The following DMD variants were observed in gnomAD, a reference collection of about 807,000 sequenced individuals.
The protein encoded by DMD is dystrophin.
A neutral mutation model predicts 330.1 loss-of-function variants in DMD; 63 were observed. The ratio of observed to expected loss-of-function variants is 0.19; its 90% confidence interval spans 0.16 to 0.24. DMD has a LOEUF of 0.24. Among genes scored for constraint, DMD ranks in the 10% least tolerant of loss-of-function variants. DMD has a pLI of 1.00. For synonymous variants in DMD, 1,223 were observed against 959.8 expected, an observed-to-expected ratio of 1.27 and a Z score of -5.07; for missense variants, 3,344 against 2,684.1, an observed-to-expected ratio of 1.25 and a Z score of -5.43.
At chrX:32,521,677 T>G (rs1014091125) in intron 17 of DMD, among the ~76,000 whole-genome samples, 1 of 112,452 alleles carries the variant, frequency 8.9e-6, no homozygotes, top group Non-Finnish European at 1.9e-5. Context: ...AAACATTATA[T>G]GCCAAGGTTT....
intron 41 of DMD, among the ~76,000 whole-genome samples, chrX:32,333,150 C>T (rs943561918): frequency 7.2e-5 from 8 of 111,609 alleles, no homozygotes; most frequent in Non-Finnish European, 1.1e-4. Context: ...CTTTCATACA[C>T]GGTAAATGTT....
At chrX:31,396,488 G>A (rs1262791764) in intron 60 of DMD, among the ~76,000 whole-genome samples, 1 of 105,523 alleles carries the variant, frequency 9.5e-6, no homozygotes, top group Non-Finnish European at 1.9e-5. Flanking sequence ...CTTGTACTGA[G>A]TAAAATAGAG....
intron 55 of DMD, among the ~76,000 whole-genome samples, chrX:31,596,492 A>G (rs987155424): frequency 1.6e-4 from 18 of 111,807 alleles, no homozygotes; most frequent in African/African-American, 5.9e-4. Context: ...ACGAGAATTG[A>G]GAAGACCTGG....
At chrX:33,207,936 C>T (rs1045375339) in intron 1 of DMD, among the ~76,000 whole-genome samples, 7 of 111,425 alleles carry the variant, frequency 6.3e-5, no homozygotes, top group East Asian at 2.8e-4. Context: ...TATTCCAATA[C>T]GAACCAACTG....
chrX:32,206,142 A>G (rs55772513), intron 44 of DMD: 2 of 515,748 alleles, frequency 3.9e-6, no homozygotes, highest in Non-Finnish European at 7.1e-6. Flanking sequence ...TGTACAGCCC[A>G]TGGTTTCCCT....
intron 2 of DMD, among the ~76,000 whole-genome samples, chrX:32,959,895 A>G (rs149038630): frequency 0.015 from 1,701 of 111,744 alleles, 39 homozygotes; most frequent in African/African-American, 0.052. Context: ...TGACTGTGAA[A>G]TTAATGTTTA....
chrX:32,880,543 T>TA (rs1052393022), intron 2 of DMD, among the ~76,000 whole-genome samples: 5 of 112,105 alleles, frequency 4.5e-5, no homozygotes, highest in Non-Finnish European at 9.4e-5. Context: ...TATATAGTCT[T>TA]GTAATTGCTT....
intron 41 of DMD, among the ~76,000 whole-genome samples, chrX:32,320,363 G>A (rs933945852): frequency 1.8e-5 from 2 of 111,425 alleles, no homozygotes; most frequent in Admixed American, 9.6e-5. Context: ...ACACTATCCC[G>A]TATGGTAGTC....
At chrX:32,596,351 C>G (rs1198397397) in intron 12 of DMD, among the ~76,000 whole-genome samples, 2 of 109,154 alleles carry the variant, frequency 1.8e-5, no homozygotes, top group African/African-American at 6.7e-5. Flanking sequence ...ACATATTTAT[C>G]CTACTATTCA....
At chrX:32,623,422 C>T (rs764576743) in intron 11 of DMD, among the ~76,000 whole-genome samples, 2 of 111,437 alleles carry the variant, frequency 1.8e-5, no homozygotes, top group African/African-American at 3.3e-5. Flanking sequence ...GGGAGGTTAA[C>T]CTCTGGGTTA....
intron 44 of DMD, among the ~76,000 whole-genome samples, chrX:32,188,358 T>G (rs1431691207): frequency 1.9e-5 from 2 of 107,029 alleles, no homozygotes; most frequent in African/African-American, 6.8e-5. Flanking sequence ...CTTCCTGACT[T>G]ACCAAAAATC....
chrX:32,626,260 C>A (rs1363935482), intron 11 of DMD, among the ~76,000 whole-genome samples: 1 of 111,079 alleles, frequency 9.0e-6, no homozygotes, highest in Non-Finnish European at 1.9e-5. Context: ...CACCTGAGGT[C>A]AGGAGTTCAA....
At chrX:32,116,090 A>G (rs2096609508) in intron 44 of DMD, among the ~76,000 whole-genome samples, 1 of 111,776 alleles carries the variant, frequency 8.9e-6, no homozygotes, top group Non-Finnish European at 1.9e-5. Context: ...GCCCTTGCCT[A>G]TACTTGCACC....
intron 43 of DMD, among the ~76,000 whole-genome samples, chrX:32,245,043 A>C (rs1449040624): frequency 1.5e-5 from 1 of 67,993 alleles, no homozygotes; most frequent in Non-Finnish European, 2.6e-5. Flanking sequence ...GCCCATGCCT[A>C]TGTCCTGAAT....
At chrX:31,891,937 C>A (rs1477433724) in intron 47 of DMD, among the ~76,000 whole-genome samples, 1 of 111,840 alleles carries the variant, frequency 8.9e-6, no homozygotes, top group East Asian at 2.8e-4. Context: ...CATTAATTTA[C>A]CCAAATTGGA....
At chrX:31,422,049 T>TTC (rs1374109188) in intron 60 of DMD, among the ~76,000 whole-genome samples, 30 of 93,482 alleles carry the variant, frequency 3.2e-4, no homozygotes, top group African/African-American at 1.1e-3. Flanking sequence ...ATATATTTTT[T>TTC]TTTTTCTTTT....
At chrX:32,634,533 G>A (rs755768372) in intron 11 of DMD, among the ~76,000 whole-genome samples, 1 of 111,803 alleles carries the variant, frequency 8.9e-6, no homozygotes, top group South Asian at 3.8e-4. Context: ...AGGGCCCTAG[G>A]TCCCTTTGGT....
At chrX:33,130,011 T>C (rs1438817098) in intron 1 of DMD, among the ~76,000 whole-genome samples, 1 of 111,839 alleles carries the variant, frequency 8.9e-6, no homozygotes, top group Non-Finnish European at 1.9e-5. Context: ...AACAAGTAAG[T>C]TCCATGTCCT....
chrX:32,332,522 C>A (rs1280634719), intron 41 of DMD, among the ~76,000 whole-genome samples: 6 of 106,539 alleles, frequency 5.6e-5, no homozygotes, highest in African/African-American at 1.7e-4. Context: ...ACGAAAAGAG[C>A]CACATGGAGA....
Sources: allele counts gnomAD v4.1 joint callset (sites outside exome capture counted in the v4.1 genomes callset), GRCh38; gene constraint gnomAD v4.1.1; transcripts MANE v1.5; gene names NCBI Gene and HGNC (gene_info 2026-07-23, HGNC 2026-07-21).